Variants in DNAAF11 observed in about 807,000 individuals in gnomAD.
DNAAF11 encodes the protein leucine rich repeat containing 6.
DNAAF11 carries 45 observed loss-of-function variants against 60.8 expected under a neutral mutation model. That is an observed-to-expected ratio of 0.74 (90% confidence interval 0.58 to 0.95). DNAAF11 has a LOEUF of 0.95. Ranked by LOEUF, DNAAF11 falls within the 40% of genes least tolerant of loss-of-function variation. The probability of loss-of-function intolerance (pLI) is 0.00; values close to 1 mark genes in which losing one functional copy is unlikely to be tolerated. For synonymous variants in DNAAF11, 191 were observed against 183.5 expected, an observed-to-expected ratio of 1.04 and a Z score of -0.33; for missense variants, 546 against 546.2, an observed-to-expected ratio of 1.00 and a Z score of 0.00.
At chr8:132,683,898 C>T in the DNAAF11 span, among the ~76,000 whole-genome samples, 1 of 152,102 alleles carries the variant, frequency 6.6e-6, no homozygotes, top group Non-Finnish European at 1.5e-5. Context: ...CCTTACTTTG[C>T]TCATATGGTG....
intron 1 of DNAAF11, among the ~76,000 whole-genome samples, chr8:132,669,036 A>C (rs371589909): frequency 6.6e-6 from 1 of 152,140 alleles, no homozygotes; most frequent in African/African-American, 2.4e-5. Context: ...CTTCACCCCA[A>C]CTTGGGCAAG....
intron 10 of DNAAF11, among the ~76,000 whole-genome samples, chr8:132,584,063 C>T (rs1815628024): frequency 6.6e-6 from 1 of 152,042 alleles, no homozygotes; most frequent in South Asian, 2.1e-4. Flanking sequence ...ATCGACAAGA[C>T]AACAACATGC....
At chr8:132,701,875 T>C in the DNAAF11 span, among the ~76,000 whole-genome samples, 1 of 152,088 alleles carries the variant, frequency 6.6e-6, no homozygotes, top group African/African-American at 2.4e-5. Context: ...TGGTGGCAGC[T>C]CCTAGGCCCA....
chr8:132,649,298 G>A (rs1586689815), intron 3 of DNAAF11, among the ~76,000 whole-genome samples: 1 of 152,192 alleles, frequency 6.6e-6, no homozygotes, highest in Non-Finnish European at 1.5e-5. Flanking sequence ...ATGCTGCTGG[G>A]AAAACTGGCT....
chr8:132,695,588 C>T, the DNAAF11 span, among the ~76,000 whole-genome samples: 5 of 151,852 alleles, frequency 3.3e-5, no homozygotes, highest in South Asian at 2.1e-4. Context: ...TGAGACTGGG[C>T]GAGGAGGTAC....
intron 11 of DNAAF11, among the ~76,000 whole-genome samples, chr8:132,574,421 C>T (rs1170179402): frequency 6.6e-6 from 1 of 152,178 alleles, no homozygotes; most frequent in Non-Finnish European, 1.5e-5. Flanking sequence ...AGCATTGGCA[C>T]CCACTAGGCA....
chr8:132,668,618 A>G (rs1312602312), intron 1 of DNAAF11, among the ~76,000 whole-genome samples: 2 of 151,038 alleles, frequency 1.3e-5, no homozygotes, highest in Admixed American at 6.6e-5. Context: ...TTTTTTTTGT[A>G]TTTTTAATAG....
intron 3 of DNAAF11, among the ~76,000 whole-genome samples, chr8:132,646,922 T>C (rs1822456373): frequency 6.6e-6 from 1 of 152,092 alleles, no homozygotes; most frequent in Admixed American, 6.5e-5. Flanking sequence ...ACTGTCAACA[T>C]TAGACAGATC....
intron 5 of DNAAF11, among the ~76,000 whole-genome samples, chr8:132,628,715 T>C (rs1019181939): frequency 1.3e-5 from 2 of 152,120 alleles, no homozygotes; most frequent in Admixed American, 6.5e-5. Flanking sequence ...TACGTTTCTG[T>C]TCAAATAGGC....
At chr8:132,602,115 A>G (rs2129746239) in intron 10 of DNAAF11, among the ~76,000 whole-genome samples, 1 of 152,074 alleles carries the variant, frequency 6.6e-6, no homozygotes, top group East Asian at 1.9e-4. Context: ...GCTATGTCTA[A>G]TCTGCTGTTA....
At chr8:132,591,851 A>G (rs1816500395) in intron 10 of DNAAF11, among the ~76,000 whole-genome samples, 1 of 152,146 alleles carries the variant, frequency 6.6e-6, no homozygotes, top group African/African-American at 2.4e-5. Flanking sequence ...TAATTATTTA[A>G]TTATTGTAGA....
At chr8:132,595,879 T>C (rs902548018) in intron 10 of DNAAF11, among the ~76,000 whole-genome samples, 1 of 151,980 alleles carries the variant, frequency 6.6e-6, no homozygotes, top group African/African-American at 2.4e-5. Flanking sequence ...GGTAGTCCAG[T>C]TGGGGGAGGA....
chr8:132,577,894 C>G (rs1000764123), intron 11 of DNAAF11, among the ~76,000 whole-genome samples: 1 of 151,652 alleles, frequency 6.6e-6, no homozygotes, highest in African/African-American at 2.4e-5. Context: ...CTTGAACTTC[C>G]GACCTCAGGT....
At chr8:132,585,265 T>C (rs1815769127) in intron 10 of DNAAF11, among the ~76,000 whole-genome samples, 2 of 152,176 alleles carry the variant, frequency 1.3e-5, no homozygotes, top group South Asian at 4.1e-4. Context: ...GCAAGACTAG[T>C]CTTTTACATG....
chr8:132,671,944 G>A (rs969654641), intron 1 of DNAAF11, among the ~76,000 whole-genome samples: 1 of 151,984 alleles, frequency 6.6e-6, no homozygotes, highest in African/African-American at 2.4e-5. Context: ...AAAAATCTAT[G>A]TAAACTTAGC....
intron 10 of DNAAF11, among the ~76,000 whole-genome samples, chr8:132,601,504 C>G (rs1156925353): frequency 2.0e-5 from 3 of 152,114 alleles, no homozygotes; most frequent in Non-Finnish European, 1.5e-5. Context: ...TTCACAATAG[C>G]AAAGACTTGG....
chr8:132,702,686 A>G, the DNAAF11 span, among the ~76,000 whole-genome samples: 5 of 152,182 alleles, frequency 3.3e-5, no homozygotes, highest in African/African-American at 1.2e-4. Context: ...GTTTAATCTC[A>G]TAAAAGTTAG....
rs140597620 is a variant in DNAAF11 at position 132,610,896 on chromosome 8, T to A, written c.1044+398A>T. Among the ~76,000 whole-genome samples, 628 of 152,228 alleles carry A rather than the reference T, an allele frequency of 4.1e-3. 2 individuals carry two copies. Among genetic ancestry groups the A allele is most frequent in the African/African-American group, 0.014 (594 of 41,548 alleles). On this transcript the variant is annotated intron_variant, in intron 9 of 11. Transcript: ENST00000620350. ...TTTTGTTTTATTTTTGTTTATTTAT[T>A]TATTTATTTATTTTTGAGTCAGAGT... is the stretch of plus-strand genomic sequence containing the variant.
chr8:132,654,404 G>C (rs1823329553), intron 3 of DNAAF11, among the ~76,000 whole-genome samples: 2 of 151,816 alleles, frequency 1.3e-5, no homozygotes, highest in Non-Finnish European at 2.9e-5. Flanking sequence ...GAGTAGGAAA[G>C]AAAGAAACAA....
Sources: allele counts gnomAD v4.1 joint callset (sites outside exome capture counted in the v4.1 genomes callset), GRCh38; gene constraint gnomAD v4.1.1; transcripts MANE v1.5; gene names NCBI Gene and HGNC (gene_info 2026-07-23, HGNC 2026-07-21).